The following CELF2 variants were observed in gnomAD, a reference collection of about 807,000 sequenced individuals.
CELF2 encodes CUGBP Elav-like family member 2.
A neutral mutation model predicts 62.6 loss-of-function variants in CELF2; 8 were observed. That is an observed-to-expected ratio of 0.13 (90% CI 0.07 to 0.23). The LOEUF is 0.23. Ranked by LOEUF, CELF2 falls within the 10% of genes least tolerant of loss-of-function variation. The pLI is 1.00. For missense variants in CELF2, 333 were observed against 671.0 expected, an observed-to-expected ratio of 0.50 and a Z score of 5.56; for synonymous variants, 258 against 250.0, an observed-to-expected ratio of 1.03 and a Z score of -0.30.
chr10:10,725,231 C>G, the CELF2 span, among the ~76,000 whole-genome samples: 1 of 152,142 alleles, frequency 6.6e-6, no homozygotes, highest in African/African-American at 2.4e-5. Flanking sequence ...AATTACCTAA[C>G]AGTAATAATA....
At chr10:10,911,359 T>G (rs137914903) in intron 1 of CELF2, among the ~76,000 whole-genome samples, 271 of 152,288 alleles carry the variant, frequency 1.8e-3, no homozygotes, top group Non-Finnish European at 3.3e-3. Flanking sequence ...ACTAAAATAA[T>G]ACAAGTAAAT....
chr10:10,746,829 T>C, the CELF2 span, among the ~76,000 whole-genome samples: 2 of 152,330 alleles, frequency 1.3e-5, no homozygotes, highest in African/African-American at 4.8e-5. Context: ...ACTGTTTAGG[T>C]TGGTTTTGTA....
Position 11,275,183 on chromosome 10 carries a change from G to T in CELF2, c.841+63G>T. The stretch of plus-strand genomic sequence containing the variant: ...ATTGTCAGAATTTGGGGTTGGTTCC[G>T]AGGGCAAAGACAAGAAGCAGGGGAA... On this transcript the variant is annotated intron_variant, in intron 8 of 12. Transcript: ENST00000633077. 3.4e-6 allele frequency: 5 copies of T among 1,485,022 alleles called. No homozygotes were observed. In the South Asian group the frequency reaches 5.6e-5, roughly 17 times the overall value. 92.0% of individuals were successfully genotyped at this position (1,485,022 alleles called of 1,614,324 possible). A position where few individuals can be genotyped will look rare whatever the true frequency, so the allele number is the denominator to read the frequency against.
At chr10:11,179,438 G>C (rs79958194) in intron 2 of CELF2, among the ~76,000 whole-genome samples, 31 of 152,282 alleles carry the variant, frequency 2.0e-4, no homozygotes, top group East Asian at 7.7e-4. Flanking sequence ...TGAAATTTGC[G>C]TGCCTAGCTC....
At chr10:10,566,087 T>G in the CELF2 span, among the ~76,000 whole-genome samples, 1 of 152,172 alleles carries the variant, frequency 6.6e-6, no homozygotes, top group Non-Finnish European at 1.5e-5. Context: ...GTGGCAAGAT[T>G]TTATCCAACA....
the CELF2 span, among the ~76,000 whole-genome samples, chr10:10,614,421 G>T: frequency 6.6e-6 from 1 of 152,116 alleles, no homozygotes; most frequent in Non-Finnish European, 1.5e-5. Flanking sequence ...CCGGAAGGCA[G>T]TTCTCCATAG....
At chr10:11,132,942 G>A (rs1196353808) in intron 1 of CELF2, among the ~76,000 whole-genome samples, 1 of 152,178 alleles carries the variant, frequency 6.6e-6, no homozygotes, top group African/African-American at 2.4e-5. Flanking sequence ...GATGGTGGTG[G>A]TGATCTGTAT....
the CELF2 span, among the ~76,000 whole-genome samples, chr10:10,698,784 C>T: frequency 4.1e-4 from 63 of 152,308 alleles, 2 homozygotes; most frequent in East Asian, 0.01. Flanking sequence ...CATCCTTACA[C>T]GCCAACACAA....
intron 2 of CELF2, among the ~76,000 whole-genome samples, chr10:11,187,611 T>C (rs922125496): frequency 6.6e-6 from 1 of 150,670 alleles, no homozygotes; most frequent in Non-Finnish European, 1.5e-5. Flanking sequence ...TGCCTCTTCT[T>C]ATTACTTCAA....
At chr10:10,674,135 C>CTATA in the CELF2 span, among the ~76,000 whole-genome samples, 1 of 152,170 alleles carries the variant, frequency 6.6e-6, no homozygotes, top group African/African-American at 2.4e-5. Flanking sequence ...AAGTCTTTAA[C>CTATA]TATAATCATG....
chr10:10,638,218 T>C, the CELF2 span, among the ~76,000 whole-genome samples: 3 of 152,192 alleles, frequency 2.0e-5, no homozygotes, highest in African/African-American at 7.2e-5. Flanking sequence ...GGGCATGTGT[T>C]TAAAAAAATT....
intron 1 of CELF2, among the ~76,000 whole-genome samples, chr10:11,087,565 A>C (rs1320300425): frequency 6.6e-6 from 1 of 152,168 alleles, no homozygotes; most frequent in Non-Finnish European, 1.5e-5. Context: ...GCTGTCTATC[A>C]TTTTCTTCTC....
At chr10:11,171,857 G>A (rs1377141644) in intron 2 of CELF2, among the ~76,000 whole-genome samples, 1 of 152,162 alleles carries the variant, frequency 6.6e-6, no homozygotes. Context: ...TCTTTAAAAT[G>A]TTAAAGGTTT....
Position 11,221,232 on chromosome 10 carries a change from T to C in CELF2, c.354+3725T>C, listed in dbSNP as rs566748345. ...GCACCTGCTTTGATGATATGTCAAT[T>C]TGGGGTTAAAGATAGCATCCCTTCT... is the stretch of plus-strand genomic sequence containing the variant. On this transcript the variant is annotated intron_variant, in intron 3 of 12. Transcript: ENST00000633077. Among the ~76,000 whole-genome samples the C allele has an allele frequency of 3.9e-5, 6 of 152,338 alleles. No individual in the cohort carries two copies. In the East Asian group the frequency reaches 1.2e-3, roughly 29 times the overall value.
intron 9 of CELF2, among the ~76,000 whole-genome samples, chr10:11,298,949 T>C (rs2093451141): frequency 6.6e-6 from 1 of 152,204 alleles, no homozygotes; most frequent in Non-Finnish European, 1.5e-5. Flanking sequence ...TCTGAATCTC[T>C]TGCCTTTGGA....
At chr10:10,473,379 T>C in the CELF2 span, among the ~76,000 whole-genome samples, 2 of 152,142 alleles carry the variant, frequency 1.3e-5, no homozygotes, top group African/African-American at 4.8e-5. Flanking sequence ...GAATGTGCCC[T>C]GCTAACCTGC....
At chr10:10,892,488 T>C (rs972209731) in intron 1 of CELF2, among the ~76,000 whole-genome samples, 1 of 152,216 alleles carries the variant, frequency 6.6e-6, no homozygotes, top group Admixed American at 6.5e-5. Context: ...TCCTGTAGAC[T>C]GAGCCGACTC....
chr10:10,706,542 G>A, the CELF2 span, among the ~76,000 whole-genome samples: 2 of 152,282 alleles, frequency 1.3e-5, no homozygotes, highest in African/African-American at 4.8e-5. Flanking sequence ...GGACACTCAA[G>A]GATGGGAAGA....
chr10:10,847,349 G>A (rs1021143398), intron 1 of CELF2, among the ~76,000 whole-genome samples: 7 of 152,132 alleles, frequency 4.6e-5, no homozygotes, highest in African/African-American at 1.7e-4. Flanking sequence ...CCTTGTCAAT[G>A]TAAAATAGTG....
Sources: gnomAD v4.1 joint callset for allele counts (sites outside exome capture counted in the v4.1 genomes callset) on GRCh38, gnomAD v4.1.1 for gene constraint, MANE v1.5 for transcripts, NCBI Gene and HGNC (gene_info 2026-07-23, HGNC 2026-07-21) for gene names.